The following BCKDHB variants were observed in gnomAD, a reference collection of about 807,000 sequenced individuals.
BCKDHB encodes branched chain keto acid dehydrogenase E1 subunit beta.
A neutral mutation model predicts 48.5 loss-of-function variants in BCKDHB; 41 were observed. That is an observed-to-expected ratio of 0.85 (90% CI 0.66 to 1.10). BCKDHB has a LOEUF of 1.10. Among genes scored for constraint, BCKDHB ranks in the 50% least tolerant of loss-of-function variants. BCKDHB has a pLI of 0.00. For missense variants in BCKDHB, 496 were observed against 494.2 expected (o/e 1.00, Z -0.03); for synonymous variants, 201 against 174.8 (o/e 1.15, Z -1.18).
chr6:80,441,995 A>G, the BCKDHB span, among the ~76,000 whole-genome samples: 1 of 152,200 alleles, frequency 6.6e-6, no homozygotes, highest in African/African-American at 2.4e-5. Flanking sequence ...TAAATGAAAA[A>G]TATAATTTAG....
intron 8 of BCKDHB, 121 bp downstream of exon 8, chr6:80,203,333 C>A: frequency 1.3e-6 from 1 of 756,990 alleles, no homozygotes; most frequent in Non-Finnish European, 2.3e-6. Context: ...TGATTTAAAA[C>A]TTTTAAATTT....
intron 9 of BCKDHB, among the ~76,000 whole-genome samples, chr6:80,316,454 C>T (rs1417514426): frequency 6.6e-6 from 1 of 152,094 alleles, no homozygotes; most frequent in Middle Eastern, 3.4e-3. Context: ...AAAATATACT[C>T]CTTTTCATCA....
chr6:80,382,974 A>C, the BCKDHB span, among the ~76,000 whole-genome samples: 1 of 152,276 alleles, frequency 6.6e-6, no homozygotes, highest in African/African-American at 2.4e-5. Context: ...AACCACTGAA[A>C]TCACAGTGGC....
chr6:80,397,990 A>G, the BCKDHB span, among the ~76,000 whole-genome samples: 1 of 152,252 alleles, frequency 6.6e-6, no homozygotes, highest in Non-Finnish European at 1.5e-5. Flanking sequence ...GTGGGTAAAT[A>G]TTAGAATTAA....
intron 7 of BCKDHB, among the ~76,000 whole-genome samples, chr6:80,201,391 C>T (rs1774389361): frequency 6.6e-6 from 1 of 152,056 alleles, no homozygotes; most frequent in Non-Finnish European, 1.5e-5. Context: ...ATATTAGATC[C>T]TGAGAACTTC....
At chr6:80,306,198 A>C (rs909282854) in intron 9 of BCKDHB, among the ~76,000 whole-genome samples, 1 of 152,200 alleles carries the variant, frequency 6.6e-6, no homozygotes, top group African/African-American at 2.4e-5. Flanking sequence ...CTCTTTGACA[A>C]TACTTTGCAT....
chr6:80,343,508 T>A (rs138750797), intron 9 of BCKDHB, 156 bp from the exon 10 acceptor site: 20 of 794,902 alleles, frequency 2.5e-5, no homozygotes, highest in African/African-American at 2.1e-4. Context: ...GCGAACATGC[T>A]GTTACCTGCT....
At chr6:80,257,949 T>G (rs1344167795) in intron 8 of BCKDHB, among the ~76,000 whole-genome samples, 1 of 152,094 alleles carries the variant, frequency 6.6e-6, no homozygotes, top group Non-Finnish European at 1.5e-5. Flanking sequence ...ACTTAACTAT[T>G]TGACACCTCA....
At chr6:80,132,325 G>C (rs1396616651) in intron 3 of BCKDHB, among the ~76,000 whole-genome samples, 1 of 152,114 alleles carries the variant, frequency 6.6e-6, no homozygotes. Context: ...CCACCAGAAA[G>C]TTGTCAAAGG....
chr6:80,208,153 C>T (rs1774755706), intron 8 of BCKDHB, among the ~76,000 whole-genome samples: 1 of 151,688 alleles, frequency 6.6e-6, no homozygotes, highest in South Asian at 2.1e-4. Flanking sequence ...TAGTGGAATT[C>T]AGTTAGAAAT....
chr6:80,245,210 C>G (rs1776560966), intron 8 of BCKDHB, among the ~76,000 whole-genome samples: 1 of 151,938 alleles, frequency 6.6e-6, no homozygotes, highest in South Asian at 2.1e-4. Context: ...CTTATACTGT[C>G]TTAGTGGGAG....
the BCKDHB span, among the ~76,000 whole-genome samples, chr6:80,360,346 A>G: frequency 1.3e-5 from 2 of 152,202 alleles, no homozygotes; most frequent in African/African-American, 2.4e-5. Context: ...CATTGTCATT[A>G]TTCGTTGACA....
At chr6:80,352,471 AGT>A in the BCKDHB span, among the ~76,000 whole-genome samples, 12 of 152,152 alleles carry the variant, frequency 7.9e-5, no homozygotes, top group African/African-American at 2.9e-4. Flanking sequence ...TGCAGCCTGA[AGT>A]GTTCCATTCT....
chr6:80,171,406 A>G lies in BCKDHB; in HGVS notation c.742+16A>G, dbSNP rs140373763. 3,586 of 1,491,508 alleles carry G rather than the reference A, an allele frequency of 2.4e-3. 17 individuals are homozygous for G. Among genetic ancestry groups the G allele is most frequent in the Non-Finnish European group, 3.0e-3 (3,183 of 1,078,152 alleles). 92.4% of individuals were successfully genotyped at this position (1,491,508 alleles called of 1,614,324 possible). ...AGGGCAGCAGGTAAAGATTTTCTTT[A>G]TTTTATATTTGTGAATATCTTTATA... On this transcript the variant is annotated intron_variant, in intron 6 of 9. Transcript: ENST00000320393.
chr6:80,123,432 T>G (rs1348389560), intron 1 of BCKDHB, among the ~76,000 whole-genome samples: 1 of 152,170 alleles, frequency 6.6e-6, no homozygotes, highest in Non-Finnish European at 1.5e-5. Flanking sequence ...GTCCCTCCAT[T>G]TGGGATCCCT....
At chr6:80,300,977 AT>A (rs1767549684) in intron 9 of BCKDHB, among the ~76,000 whole-genome samples, 1 of 152,158 alleles carries the variant, frequency 6.6e-6, no homozygotes, top group Non-Finnish European at 1.5e-5. Context: ...AATAAAAAAA[AT>A]TAGAAATTAA....
At chr6:80,341,186 G>A (rs3805856) in intron 9 of BCKDHB, among the ~76,000 whole-genome samples, 118,084 of 152,090 alleles carry the variant, frequency 0.78, 46,204 homozygotes, top group Admixed American at 0.84. Flanking sequence ...TTATAATAGC[G>A]TATTATAACA....
the BCKDHB span, among the ~76,000 whole-genome samples, chr6:80,366,410 A>G: frequency 6.6e-6 from 1 of 152,230 alleles, no homozygotes; most frequent in East Asian, 1.9e-4. Context: ...ACCCTAGCAC[A>G]TGCTCATAGA....
chr6:80,316,163 T>G (rs1425377378), intron 9 of BCKDHB, among the ~76,000 whole-genome samples: 1 of 152,230 alleles, frequency 6.6e-6, no homozygotes. Flanking sequence ...GTGTCAAGTT[T>G]AGGATAATTT....
Sources: allele counts gnomAD v4.1 joint callset (sites outside exome capture counted in the v4.1 genomes callset), GRCh38; gene constraint gnomAD v4.1.1; transcripts MANE v1.5; gene names NCBI Gene and HGNC (gene_info 2026-07-23, HGNC 2026-07-21).